The following WDPCP variants were observed in gnomAD, a reference collection of about 807,000 sequenced individuals.
WDPCP encodes WD repeat-containing and planar cell polarity effector protein fritz homolog.
A neutral mutation model predicts 93.1 loss-of-function variants in WDPCP; 71 were observed. The ratio of observed to expected loss-of-function variants is 0.76; its 90% CI spans 0.63 to 0.93. The LOEUF (loss-of-function observed/expected upper bound fraction) is 0.93, where lower values mean the gene tolerates loss of function less well. Ranked by LOEUF, WDPCP falls within the 40% of genes least tolerant of loss-of-function variation. WDPCP has a pLI of 0.00. For missense variants in WDPCP, 844 were observed against 887.4 expected (o/e 0.95, Z 0.62); for synonymous variants, 315 against 315.0 (o/e 1.00, Z 0.00).
intron 2 of WDPCP, among the ~76,000 whole-genome samples, chr2:63,739,743 A>G (rs1234452138): frequency 6.6e-6 from 1 of 151,758 alleles, no homozygotes; most frequent in Admixed American, 6.6e-5. Context: ...AGTATCTGTT[A>G]TTTTTTTACT....
At chr2:63,477,955 G>T (rs546184408) in intron 6 of WDPCP, 22 of 152,248 alleles carry the variant, frequency 1.4e-4, no homozygotes, top group South Asian at 6.2e-4. Flanking sequence ...GGCTCCCTGG[G>T]AAGAGACCAC....
At chr2:63,641,016 A>G (rs1417761992) in intron 3 of WDPCP, among the ~76,000 whole-genome samples, 1 of 152,060 alleles carries the variant, frequency 6.6e-6, no homozygotes, top group Non-Finnish European at 1.5e-5. Flanking sequence ...CTCTATCTCC[A>G]TGAATTCAGT....
At chr2:63,394,722 A>ATGATAT (rs1693571234) in intron 10 of WDPCP, among the ~76,000 whole-genome samples, 1 of 152,270 alleles carries the variant, frequency 6.6e-6, no homozygotes, top group Admixed American at 6.5e-5. Flanking sequence ...AAAGAATGAG[A>ATGATAT]TGATATGCTC....
At chr2:63,196,539 G>A (rs572363051) in intron 14 of WDPCP, among the ~76,000 whole-genome samples, 16 of 152,292 alleles carry the variant, frequency 1.1e-4, no homozygotes, top group African/African-American at 3.4e-4. Context: ...TAAAGCAAAA[G>A]GAAGGTGAAG....
intron 3 of WDPCP, among the ~76,000 whole-genome samples, chr2:63,634,024 T>C (rs1477867020): frequency 6.6e-6 from 1 of 152,098 alleles, no homozygotes; most frequent in Non-Finnish European, 1.5e-5. Context: ...ATCACACCAC[T>C]GCACTCCAGC....
chr2:63,504,324 TTGTGTGTGTGTGTG>T (rs60202196), intron 1 of WDPCP, among the ~76,000 whole-genome samples: 17 of 138,110 alleles, frequency 1.2e-4, no homozygotes, highest in South Asian at 5.0e-4. Flanking sequence ...ACGTACTAAA[TTGTGTGTGTGTGTG>T]TGTGTGTGTG....
chr2:63,716,362 C>T (rs750898952), intron 2 of WDPCP, among the ~76,000 whole-genome samples: 3 of 152,150 alleles, frequency 2.0e-5, no homozygotes, highest in Non-Finnish European at 4.4e-5. Context: ...TTGCAGTAAG[C>T]TCCTCCCTAC....
At chr2:63,542,739 G>A (rs1575612581) in intron 1 of WDPCP, among the ~76,000 whole-genome samples, 1 of 152,048 alleles carries the variant, frequency 6.6e-6, no homozygotes, top group East Asian at 1.9e-4. Flanking sequence ...AACAAACCAT[G>A]AGCAATGGCC....
At chr2:63,833,770 A>T in the WDPCP span, among the ~76,000 whole-genome samples, 2 of 152,222 alleles carry the variant, frequency 1.3e-5, no homozygotes, top group Non-Finnish European at 2.9e-5. Context: ...TTAACATGAC[A>T]ATCTAAAGAC....
intron 10 of WDPCP, among the ~76,000 whole-genome samples, chr2:63,397,509 A>C (rs1693825037): frequency 6.6e-6 from 1 of 152,154 alleles, no homozygotes; most frequent in South Asian, 2.1e-4. Flanking sequence ...ACTGAAAATA[A>C]AGTATAAACC....
intron 17 of WDPCP, among the ~76,000 whole-genome samples, chr2:63,144,412 T>C (rs1671326063): frequency 6.6e-6 from 1 of 152,016 alleles, no homozygotes; most frequent in Non-Finnish European, 1.5e-5. Context: ...TTTGTATTTT[T>C]GTCCAGCTAA....
At chr2:63,708,578 G>C (rs1435474355) in intron 2 of WDPCP, among the ~76,000 whole-genome samples, 1 of 152,136 alleles carries the variant, frequency 6.6e-6, no homozygotes, top group African/African-American at 2.4e-5. Flanking sequence ...CGCTTCCCGG[G>C]TGAGGCGATG....
chr2:63,603,188 C>A (rs1709461008), intron 3 of WDPCP, among the ~76,000 whole-genome samples: 1 of 152,052 alleles, frequency 6.6e-6, no homozygotes, highest in Non-Finnish European at 1.5e-5. Context: ...TCCATCTCGA[C>A]CTCCTGATCC....
At chr2:63,521,260 T>G (rs1174139945) in intron 1 of WDPCP, among the ~76,000 whole-genome samples, 2 of 151,938 alleles carry the variant, frequency 1.3e-5, no homozygotes, top group African/African-American at 4.8e-5. Context: ...AGGCATAGAG[T>G]GGCAGCTTGG....
intron 3 of WDPCP, among the ~76,000 whole-genome samples, chr2:63,610,404 T>C (rs1250501556): frequency 6.6e-6 from 1 of 151,994 alleles, no homozygotes; most frequent in Non-Finnish European, 1.5e-5. Flanking sequence ...TAATAAAACA[T>C]AAAGAAGGAG....
chr2:63,643,711 T>C, intron 3 of WDPCP: 1 of 501,486 alleles, frequency 2.0e-6, no homozygotes. Context: ...TGTAATATGA[T>C]GAACAGCAGA....
chr2:63,589,382 A>T (rs756677268), upstream of WDPCP: 13 of 1,550,534 alleles, frequency 8.4e-6, no homozygotes, highest in Non-Finnish European at 1.0e-5. Flanking sequence ...TAAGGACGAT[A>T]AGGTTTGCGA....
chr2:63,834,098 T>C, the WDPCP span, among the ~76,000 whole-genome samples: 3 of 152,196 alleles, frequency 2.0e-5, no homozygotes, highest in Non-Finnish European at 4.4e-5. Flanking sequence ...AAGGTCTATC[T>C]GTATTCTTTT....
At chr2:63,659,454 T>C (rs1392864132) in intron 2 of WDPCP, among the ~76,000 whole-genome samples, 2 of 152,002 alleles carry the variant, frequency 1.3e-5, no homozygotes, top group African/African-American at 2.4e-5. Flanking sequence ...TGTATCCTTA[T>C]AAAAGAGAGG....
Sources: gnomAD v4.1 joint callset for allele counts (sites outside exome capture counted in the v4.1 genomes callset) on GRCh38, gnomAD v4.1.1 for gene constraint, MANE v1.5 for transcripts, NCBI Gene and HGNC (gene_info 2026-07-23, HGNC 2026-07-21) for gene names.